Variants in SLC41A3 observed in about 807,000 individuals in gnomAD.
The protein encoded by SLC41A3 is solute carrier family 41 member 3, also known as SLC41A1-like 2.
In SLC41A3, 44 loss-of-function variants were observed where a neutral mutation model predicts 45.4. The observed-to-expected ratio is 0.97, with a 90% CI of 0.76 to 1.25. The LOEUF is 1.25. SLC41A3 is among the 50% of genes most tolerant of loss of function. The pLI, the probability that SLC41A3 is intolerant of heterozygous loss-of-function variation, is 0.00. For missense variants in SLC41A3, 550 were observed against 600.6 expected (o/e 0.92, Z 0.88); for synonymous variants, 256 against 252.4 (o/e 1.01, Z -0.13).
rs1939146835 is a variant in SLC41A3, at chr3:126,006,764, C to T, written c.*252G>A. 5 of 1,443,130 alleles carry T rather than the reference C, an allele frequency of 3.5e-6. No individual in the cohort carries two copies. Among genetic ancestry groups the T allele is most frequent in the Non-Finnish European group, 4.5e-6 (5 of 1,104,140 alleles). 89.4% of individuals were successfully genotyped at this position (1,443,130 alleles called of 1,614,324 possible). ...CTCTCCACAAACGTGTGCACACTTG[C>T]ACGCTCATTAAGCATGTGCACACAT... On this transcript the variant is annotated 3_prime_UTR_variant, in exon 11 of 11. Coordinates refer to ENST00000360370, the MANE Select transcript of SLC41A3 (RefSeq NM_017836.4).
At chr3:126,021,655 C>T (rs764361819) in intron 6 of SLC41A3, among the ~76,000 whole-genome samples, 11 of 152,196 alleles carry the variant, frequency 7.2e-5, no homozygotes, top group African/African-American at 1.2e-4. Flanking sequence ...AATTGCCTGA[C>T]CATGGCTTGA....
intron 1 of SLC41A3, 43 bp from the exon 2 acceptor site, chr3:126,068,289 C>T (rs1263304478): frequency 1.4e-6 from 2 of 1,457,880 alleles, no homozygotes; most frequent in Non-Finnish European, 1.8e-6. Context: ...GTTCCTGATT[C>T]CCATGGCGCT....
chr3:126,061,180 T>C (rs1033000605), intron 2 of SLC41A3, among the ~76,000 whole-genome samples: 1 of 152,220 alleles, frequency 6.6e-6, no homozygotes, highest in African/African-American at 2.4e-5. Context: ...GGCCAGATGG[T>C]CATTCTTACA....
intron 2 of SLC41A3, among the ~76,000 whole-genome samples, chr3:126,053,243 G>A (rs1030831655): frequency 2.6e-5 from 4 of 152,170 alleles, no homozygotes; most frequent in Admixed American, 6.5e-5. Context: ...CCCAGTATGC[G>A]TGGCATCCTC....
At chr3:126,012,321 C>A (rs917774706) in intron 9 of SLC41A3, among the ~76,000 whole-genome samples, 8 of 152,188 alleles carry the variant, frequency 5.3e-5, no homozygotes, top group Non-Finnish European at 4.4e-5. Flanking sequence ...TACGAGCCCA[C>A]TTGTGTTTAT....
chr3:126,086,416 T>TG (rs1553748078), upstream of SLC41A3, among the ~76,000 whole-genome samples: 3,826 of 131,142 alleles, frequency 0.029, 190 homozygotes, highest in Non-Finnish European at 0.035. Flanking sequence ...TTGTTTTTTT[T>TG]TTTTTTTTTT....
At chr3:126,030,644 T>C (rs994711617) in intron 4 of SLC41A3, among the ~76,000 whole-genome samples, 7 of 151,932 alleles carry the variant, frequency 4.6e-5, no homozygotes, top group Non-Finnish European at 7.4e-5. Flanking sequence ...TGTGGGTGAA[T>C]AGGTAGGTGG....
chr3:126,040,586 T>G (rs1942522780), intron 3 of SLC41A3, among the ~76,000 whole-genome samples: 2 of 152,076 alleles, frequency 1.3e-5, no homozygotes, highest in African/African-American at 2.4e-5. Context: ...CTGCTTGGTT[T>G]GTGCCAAGAA....
upstream of SLC41A3, among the ~76,000 whole-genome samples, chr3:126,087,812 A>G (rs974832359): frequency 5.9e-5 from 9 of 151,994 alleles, no homozygotes; most frequent in Admixed American, 6.5e-5. Flanking sequence ...AAAAGATTGT[A>G]TAATGCAGTT....
chr3:126,055,369 GC>G (rs1227958164), intron 2 of SLC41A3, among the ~76,000 whole-genome samples: 2 of 152,004 alleles, frequency 1.3e-5, no homozygotes, highest in Admixed American at 1.3e-4. Flanking sequence ...AAAAAAATTA[GC>G]TGGGCCTGGT....
intron 10 of SLC41A3, 131 bp from the exon 11 acceptor site, chr3:126,007,356 G>A: frequency 1.0e-6 from 1 of 979,718 alleles, no homozygotes; most frequent in Non-Finnish European, 1.5e-6. Flanking sequence ...CCTTCATCCA[G>A]CTTCTCTTGG....
At chr3:126,009,072 T>C (rs556652779) in intron 9 of SLC41A3, among the ~76,000 whole-genome samples, 192 bp from the exon 10 acceptor site, 1 of 152,196 alleles carries the variant, frequency 6.6e-6, no homozygotes, top group Admixed American at 6.5e-5. Context: ...AGCTGATATT[T>C]TAGAGAAGAG....
In SLC41A3 at chr3:126,082,125, G is replaced by C. The variant is rs1945186443; in HGVS notation, c.-28+1968C>G. ...TGTGGACATGGCCAAAGGCCCCTCA[G>C]CTCCACCTGAATGTTGGAGTGTTTG... On this transcript the variant is annotated intron_variant, in intron 1 of 10. Transcript: ENST00000360370. Among the ~76,000 whole-genome samples the C allele has an allele frequency of 2.0e-5, 3 of 152,256 alleles. No individual in the cohort carries two copies. In the South Asian group the frequency reaches 6.2e-4, roughly 31 times the overall value.
intron 4 of SLC41A3, among the ~76,000 whole-genome samples, chr3:126,028,132 C>T (rs1297423430): frequency 1.3e-5 from 2 of 152,138 alleles, no homozygotes; most frequent in African/African-American, 4.8e-5. Context: ...AAGCAGGCTG[C>T]AGAAATTTAC....
intron 1 of SLC41A3, chr3:126,101,313 A>G (rs1262035487): frequency 3.9e-5 from 6 of 152,258 alleles, no homozygotes; most frequent in African/African-American, 1.4e-4. Flanking sequence ...ATGCTGGGAA[A>G]TCCAGCCTTT....
chr3:126,072,362 T>TAAAAAAAAAAAAAAAAAAA (rs3053149), intron 1 of SLC41A3, among the ~76,000 whole-genome samples: 1 of 104,690 alleles, frequency 9.6e-6, no homozygotes, highest in African/African-American at 3.6e-5. Flanking sequence ...AAGAGAATTG[T>TAAAAAAAAAAAAAAAAAAA]AAAAAAAAAT....
intron 1 of SLC41A3, among the ~76,000 whole-genome samples, chr3:126,094,158 G>T (rs1281768641): frequency 7.2e-5 from 11 of 152,200 alleles, no homozygotes; most frequent in Admixed American, 6.5e-4. Flanking sequence ...AGCCCTCAAA[G>T]TCAACATATG....
intron 1 of SLC41A3, among the ~76,000 whole-genome samples, chr3:126,089,787 A>C (rs541583967): frequency 6.6e-6 from 1 of 152,348 alleles, no homozygotes; most frequent in South Asian, 2.1e-4. Flanking sequence ...TGCCCAAAAG[A>C]GTTCCATAAT....
At chr3:126,039,281 C>A (rs1942420252) in intron 3 of SLC41A3, among the ~76,000 whole-genome samples, 1 of 152,238 alleles carries the variant, frequency 6.6e-6, no homozygotes. Flanking sequence ...CATATGTCCC[C>A]AGTTTTCTCA....
Sources: gnomAD v4.1 joint callset for allele counts (sites outside exome capture counted in the v4.1 genomes callset) on GRCh38, gnomAD v4.1.1 for gene constraint, MANE v1.5 for transcripts, NCBI Gene and HGNC (gene_info 2026-07-23, HGNC 2026-07-21) for gene names.